AK7: variants seen among roughly 807,000 people sequenced by gnomAD.
AK7 encodes ATP-AMP transphosphorylase 7.
AK7 carries 78 observed loss-of-function variants against 96.6 expected under a neutral mutation model. That is an observed-to-expected ratio of 0.81 (90% CI 0.67 to 0.97). The LOEUF is 0.97. Ranked by LOEUF, AK7 falls within the 50% of genes least tolerant of loss-of-function variation. The probability of loss-of-function intolerance (pLI) is 0.00; values close to 1 mark genes in which losing one functional copy is unlikely to be tolerated. For missense variants in AK7, 855 were observed against 887.9 expected (o/e 0.96, Z 0.47); for synonymous variants, 302 against 317.2 (o/e 0.95, Z 0.51).
At chr14:96,449,931 G>T (rs1893493418) in intron 9 of AK7, 52 bp downstream of exon 9, 4 of 1,327,874 alleles carry the variant, frequency 3.0e-6, no homozygotes, top group Non-Finnish European at 4.2e-6. Context: ...CAATAATATG[G>T]AGTATTGTTA....
chr14:96,454,407 G>A (rs1566795003), intron 10 of AK7, among the ~76,000 whole-genome samples: 2 of 150,960 alleles, frequency 1.3e-5, no homozygotes, highest in Admixed American at 6.6e-5. Context: ...GGCTTCTTTA[G>A]CATTCAATCA....
chr14:96,488,332 G>A lies in AK7; in HGVS notation c.2161G>A (p.Glu721Lys). ...LAEYLFKNNPEAQ is the reference protein window; with the variant it reads ...LAEYLFKNNPKAQ ...AGAATATCTCTTCAAGAACAATCCT[G>A]AAGCACAGTGAAACTTGAAAGATCT... The change falls in exon 18 of 18, where the codon GAA (glutamate) becomes AAA (lysine). Residue 721 changes from glutamate (E) to lysine (K), a missense_variant. Glu to Lys is a moderately conservative substitution (Grantham distance 56). Transcript: ENST00000267584. 6.2e-7 allele frequency: 1 copy of A among 1,611,814 alleles called. No individual in the cohort carries two copies. The highest frequency in any genetic ancestry group is 1.3e-5 in the African/African-American group (1 of 74,996).
At chr14:96,459,768 T>G (rs993424889) in intron 12 of AK7, among the ~76,000 whole-genome samples, 1 of 151,228 alleles carries the variant, frequency 6.6e-6, no homozygotes, top group East Asian at 2.0e-4. Context: ...TCCTAGCTAC[T>G]CGGAAGGCTG....
intron 5 of AK7, among the ~76,000 whole-genome samples, chr14:96,436,331 C>T (rs1892632689): frequency 1.3e-5 from 2 of 152,102 alleles, no homozygotes; most frequent in Non-Finnish European, 2.9e-5. Context: ...CCCACAAGAG[C>T]CTGAGTAACA....
At chr14:96,409,148 T>C (rs1231756713) in intron 4 of AK7, among the ~76,000 whole-genome samples, 1 of 152,138 alleles carries the variant, frequency 6.6e-6, no homozygotes, top group East Asian at 1.9e-4. Context: ...GAAGGAAAAA[T>C]ATGCTGCCTA....
At chr14:96,442,169 G>A (rs1892994271) in intron 6 of AK7, among the ~76,000 whole-genome samples, 1 of 152,180 alleles carries the variant, frequency 6.6e-6, no homozygotes, top group Non-Finnish European at 1.5e-5. Flanking sequence ...GAAAAGATGA[G>A]GATTTGGACT....
At chr14:96,414,634 G>T (rs542231296) in intron 4 of AK7, among the ~76,000 whole-genome samples, 4 of 152,336 alleles carry the variant, frequency 2.6e-5, no homozygotes, top group African/African-American at 9.6e-5. Flanking sequence ...TTCCAGTGCA[G>T]GGCCTGGGGA....
rs1299221713 is a variant in AK7 at position 96,398,249 on chromosome 14, G to A, written c.280G>A (p.Val94Met). The A allele has an allele frequency of 5.0e-6, 8 of 1,612,974 alleles. No individual in the cohort carries two copies. Among genetic ancestry groups the A allele is most frequent in the Non-Finnish European group, 6.8e-6 (8 of 1,179,958 alleles). The change falls in exon 2 of 18, where the codon GTG becomes ATG. Residue 94 changes from valine (V) to methionine (M), a missense_variant. Transcript: ENST00000267584. ...TGACAGCCCGCGGCCTGACTTTGCG[G>A]TGGAGACGTACTCTGTAAGTCCCGG... ...KPDSPRPDFA[V>M]ETYSAISRED...
intron 2 of AK7, among the ~76,000 whole-genome samples, chr14:96,401,600 G>A (rs1274318538): frequency 6.6e-6 from 1 of 152,190 alleles, no homozygotes; most frequent in Non-Finnish European, 1.5e-5. Flanking sequence ...ACACAAAGGT[G>A]GCAGAAAAGG....
At chr14:96,400,030 CTTTTTTTTTTT>C (rs34001068) in intron 2 of AK7, among the ~76,000 whole-genome samples, 2 of 86,346 alleles carry the variant, frequency 2.3e-5, no homozygotes, top group African/African-American at 9.6e-5. Context: ...CAAAAACAAT[CTTTTTTTTTTT>C]TTTTTTTTTT....
intron 12 of AK7, among the ~76,000 whole-genome samples, chr14:96,464,143 A>G (rs990013073): frequency 1.3e-5 from 2 of 151,846 alleles, no homozygotes; most frequent in African/African-American, 4.8e-5. Flanking sequence ...GAGAAGGAAT[A>G]CCCCACAGTG....
chr14:96,488,299 T>C lies in AK7; in HGVS notation c.2134-6T>C. 6.2e-7 allele frequency: 1 copy of C among 1,610,228 alleles called. No homozygotes were observed. Among genetic ancestry groups the C allele is most frequent in the East Asian group, 2.2e-5 (1 of 44,782 alleles). ...AACTGTTGACTTGTCTTTTTTTAAA[T>C]TGTAGGCAGAATATCTCTTCAAGAA... On this transcript the variant is annotated splice_region_variant and splice_polypyrimidine_tract_variant and intron_variant, in intron 17 of 17. Coordinates refer to ENST00000267584, the MANE Select transcript of AK7 (RefSeq NM_152327.5).
intron 2 of AK7, among the ~76,000 whole-genome samples, chr14:96,404,302 T>C (rs1308317193): frequency 6.6e-6 from 1 of 152,164 alleles, no homozygotes; most frequent in Non-Finnish European, 1.5e-5. Context: ...GTACCTTACA[T>C]CTAGAAAGAG....
Position 96,456,242 on chromosome 14 carries a change from A to T in AK7, c.1099-105A>T. The T allele has an allele frequency of 2.2e-5, 4 of 178,148 alleles. No individual in the cohort carries two copies. The East Asian group carries it at 8.2e-4, about 36-fold the overall frequency. The allele number at this position is 178,148 out of a possible 1,614,324, so 11.0% of individuals were successfully genotyped here. Reference sequence around the variant, plus strand: ...ACAGAGTGAGAGACTCTGTCTCAAAAAAAAAAAAAAAAAAAAAAAGCACTC... The same window carrying T: ...ACAGAGTGAGAGACTCTGTCTCAAATAAAAAAAAAAAAAAAAAAAGCACTC... On this transcript the variant is annotated intron_variant, in intron 10 of 17. Transcript: ENST00000267584.
At chr14:96,458,515 G>A (rs1175297156) in intron 12 of AK7, among the ~76,000 whole-genome samples, 2 of 152,066 alleles carry the variant, frequency 1.3e-5, no homozygotes, top group Non-Finnish European at 1.5e-5. Context: ...GCCGAGGCGG[G>A]TGGATCACCT....
chr14:96,414,710 A>C (rs926231629), intron 4 of AK7, among the ~76,000 whole-genome samples: 1 of 151,928 alleles, frequency 6.6e-6, no homozygotes. Context: ...CAGCCCAAGA[A>C]ACAGGCCAAG....
At chr14:96,414,578 C>A (rs1891215701) in intron 4 of AK7, among the ~76,000 whole-genome samples, 1 of 152,064 alleles carries the variant, frequency 6.6e-6, no homozygotes, top group African/African-American at 2.4e-5. Flanking sequence ...AGGAAGGCCA[C>A]ACATAGGAGG....
intron 9 of AK7, among the ~76,000 whole-genome samples, chr14:96,451,016 T>A (rs147929285): frequency 6.7e-6 from 1 of 149,794 alleles, no homozygotes; most frequent in African/African-American, 2.6e-5. Context: ...CCTTGTGATC[T>A]GCCCGCCTTG....
intron 8 of AK7, among the ~76,000 whole-genome samples, chr14:96,446,879 G>T (rs550019270): frequency 6.6e-6 from 1 of 152,272 alleles, no homozygotes; most frequent in South Asian, 2.1e-4. Context: ...GACGGTGGTT[G>T]CAGTGAGCCA....
Sources: gnomAD v4.1 joint callset for allele counts (sites outside exome capture counted in the v4.1 genomes callset) on GRCh38, gnomAD v4.1.1 for gene constraint, MANE v1.5 for transcripts, NCBI Gene and HGNC (gene_info 2026-07-23, HGNC 2026-07-21) for gene names.